The following ILRUN variants were observed in gnomAD, a reference collection of about 807,000 sequenced individuals.
The protein encoded by ILRUN is protein ILRUN.
Under a neutral mutation model 33.8 loss-of-function variants are expected in ILRUN, and 3 were observed. The observed-to-expected ratio is 0.09, with a 90% CI of 0.04 to 0.23. The LOEUF is 0.23. ILRUN is among the 10% of genes least tolerant of loss of function. ILRUN has a pLI of 1.00. For missense variants in ILRUN, 210 were observed against 375.1 expected (o/e 0.56, Z 3.64); for synonymous variants, 124 against 138.9 (o/e 0.89, Z 0.75).
rs759751988 is a variant in ILRUN at position 34,606,650 on chromosome 6, G to GGTCAGGAGCAGGAGCCCATGT, written c.745_765dup (p.Thr249_Asp255dup). ...AGTCTATTCTGGTCTTGCTCAGTTTGGTCAGGAGCAGGAGCCCATGTGTCA... is the reference window on the plus strand; with the variant it reads ...AGTCTATTCTGGTCTTGCTCAGTTTGGTCAGGAGCAGGAGCCCATGTGTCAGGAGCAGGAGCCCATGTGTCA... On this transcript the variant is annotated inframe_insertion, in exon 4 of 5. Coordinates refer to ENST00000374023, the MANE Select transcript of ILRUN (RefSeq NM_024294.4). 2.5e-6 allele frequency: 4 copies of GGTCAGGAGCAGGAGCCCATGT among 1,614,124 alleles called. No homozygotes were observed. In the South Asian group the frequency reaches 3.3e-5, roughly 13 times the overall value.
chr6:34,623,300 T>G (rs949417848), intron 3 of ILRUN, among the ~76,000 whole-genome samples: 1 of 152,208 alleles, frequency 6.6e-6, no homozygotes, highest in Non-Finnish European at 1.5e-5. Context: ...TGTTATTTGT[T>G]GAAGGCCAAT....
intron 3 of ILRUN, chr6:34,616,816 G>T: frequency 2.9e-6 from 2 of 697,004 alleles, no homozygotes; most frequent in Admixed American, 1.9e-5. Flanking sequence ...TCAATGGTGT[G>T]AACCCAAAGG....
intron 1 of ILRUN, among the ~76,000 whole-genome samples, chr6:34,695,249 C>A (rs1414286079): frequency 2.0e-5 from 3 of 152,086 alleles, no homozygotes; most frequent in Admixed American, 1.3e-4. Flanking sequence ...GCAAGTGATG[C>A]CAAGAGAAAC....
chr6:34,610,543 A>AT (rs1441497406), intron 3 of ILRUN, among the ~76,000 whole-genome samples: 2 of 152,212 alleles, frequency 1.3e-5, no homozygotes, highest in Non-Finnish European at 2.9e-5. Flanking sequence ...TTGACCACCA[A>AT]TCTGACACTC....
intron 2 of ILRUN, among the ~76,000 whole-genome samples, chr6:34,649,437 C>T (rs1435368107): frequency 6.6e-6 from 1 of 152,088 alleles, no homozygotes; most frequent in Non-Finnish European, 1.5e-5. Flanking sequence ...AAAAGAAAGA[C>T]TAATCTGTGT....
At chr6:34,658,957 T>G (rs1762833963) in intron 1 of ILRUN, among the ~76,000 whole-genome samples, 1 of 152,234 alleles carries the variant, frequency 6.6e-6, no homozygotes, top group South Asian at 2.1e-4. Context: ...CTGTGAAGAT[T>G]GCAGAGGCAA....
intron 1 of ILRUN, among the ~76,000 whole-genome samples, chr6:34,692,822 G>C (rs1053814006): frequency 5.9e-5 from 9 of 152,112 alleles, no homozygotes; most frequent in Admixed American, 5.9e-4. Flanking sequence ...GTGTTTACAT[G>C]CATGTATGAG....
intron 1 of ILRUN, among the ~76,000 whole-genome samples, chr6:34,657,852 G>T (rs1762805985): frequency 6.6e-6 from 1 of 152,178 alleles, no homozygotes; most frequent in African/African-American, 2.4e-5. Flanking sequence ...TAGCCAACAA[G>T]TAATTCTTCA....
At chr6:34,595,117 T>C (rs1761374925) in intron 4 of ILRUN, among the ~76,000 whole-genome samples, 1 of 152,248 alleles carries the variant, frequency 6.6e-6, no homozygotes, top group Non-Finnish European at 1.5e-5. Flanking sequence ...CTAGTACTTA[T>C]AATCCTGTCC....
intron 1 of ILRUN, among the ~76,000 whole-genome samples, chr6:34,672,776 C>T (rs575837370): frequency 1.3e-5 from 2 of 151,424 alleles, no homozygotes; most frequent in South Asian, 4.2e-4. Flanking sequence ...AACAGGAGCT[C>T]CAATAAAGGA....
chr6:34,678,010 G>A (rs890258795), intron 1 of ILRUN, among the ~76,000 whole-genome samples: 1 of 149,118 alleles, frequency 6.7e-6, no homozygotes, highest in Admixed American at 6.7e-5. Context: ...TCTGGCCTGA[G>A]AATTGACATA....
intron 3 of ILRUN, among the ~76,000 whole-genome samples, chr6:34,638,566 A>C (rs562084985): frequency 2.6e-5 from 4 of 151,634 alleles, no homozygotes; most frequent in Non-Finnish European, 5.9e-5. Flanking sequence ...AAAACCAAAA[A>C]CAAAAACCCA....
At chr6:34,682,828 G>C (rs1763396007) in intron 1 of ILRUN, among the ~76,000 whole-genome samples, 1 of 151,682 alleles carries the variant, frequency 6.6e-6, no homozygotes, top group Non-Finnish European at 1.5e-5. Context: ...CGTGATGATT[G>C]AGTGTTCACA....
At position 34,609,035 on chromosome 6, in the gene ILRUN, G is replaced by A. The variant is rs543543142; in HGVS notation, c.512-2131C>T. On this transcript the variant is annotated intron_variant, in intron 3 of 4. Transcript: ENST00000374023. ...CTAGGATCCTAAATAACTGTTGAAAGGTTGATAGAAAAAGGCAAATGCATT... is the reference window on the plus strand; with the variant it reads ...CTAGGATCCTAAATAACTGTTGAAAAGTTGATAGAAAAAGGCAAATGCATT... Among the ~76,000 whole-genome samples the A allele has an allele frequency of 3.9e-5, 6 of 152,274 alleles. No individual in the cohort carries two copies. In the East Asian group the frequency reaches 9.6e-4, roughly 24 times the overall value.
At position 34,682,021 on chromosome 6, in the gene ILRUN, C is replaced by CTTTTTTTTTTT. The variant is rs1377020252; in HGVS notation, c.158+14424_158+14425insAAAAAAAAAAA. ...TGCATGCCACCACACCCCACTAATT[C>CTTTTTTTTTTT]TTATATTTTTATTTTTTTACTTTTT... On this transcript the variant is annotated intron_variant, in intron 1 of 4. Coordinates refer to ENST00000374023, the MANE Select transcript of ILRUN (RefSeq NM_024294.4). Among the ~76,000 whole-genome samples the CTTTTTTTTTTT allele has an allele frequency of 2.0e-4, 26 of 130,068 alleles. 1 individual carries two copies. The highest frequency in any genetic ancestry group is 5.6e-4 in the African/African-American group (19 of 33,720). 85.3% of individuals were successfully genotyped at this position (130,068 alleles called of 152,430 possible).
At chr6:34,632,053 T>C (rs966170614) in intron 3 of ILRUN, among the ~76,000 whole-genome samples, 1 of 152,158 alleles carries the variant, frequency 6.6e-6, no homozygotes, top group Non-Finnish European at 1.5e-5. Flanking sequence ...GTAGGTTACA[T>C]AAGAATAGGT....
At chr6:34,600,710 AAGCAAT>A (rs1233022187) in intron 4 of ILRUN, among the ~76,000 whole-genome samples, 2 of 152,342 alleles carry the variant, frequency 1.3e-5, no homozygotes, top group East Asian at 3.9e-4. Context: ...GCTAGAGAGA[AAGCAAT>A]AGCTGGTGGG....
intron 1 of ILRUN, among the ~76,000 whole-genome samples, chr6:34,678,018 A>G (rs1004647470): frequency 6.7e-6 from 1 of 150,250 alleles, no homozygotes; most frequent in Non-Finnish European, 1.5e-5. Context: ...GAGAATTGAC[A>G]TATTTAATAT....
At chr6:34,677,173 G>T (rs1232566654) in intron 1 of ILRUN, among the ~76,000 whole-genome samples, 1 of 152,026 alleles carries the variant, frequency 6.6e-6, no homozygotes, top group Admixed American at 6.6e-5. Context: ...CAGGCATGGT[G>T]GTGTATGCCT....
Sources: allele counts gnomAD v4.1 joint callset (sites outside exome capture counted in the v4.1 genomes callset), GRCh38; gene constraint gnomAD v4.1.1; transcripts MANE v1.5; gene names NCBI Gene and HGNC (gene_info 2026-07-23, HGNC 2026-07-21).